The following ALKBH5 variants were observed in gnomAD, a reference collection of about 807,000 sequenced individuals.
ALKBH5 encodes the protein RNA demethylase ALKBH5.
Under a neutral mutation model 32.1 loss-of-function variants are expected in ALKBH5, and 2 were observed. The observed-to-expected ratio is 0.06, with a 90% CI of 0.03 to 0.20. The LOEUF is 0.20. ALKBH5 is among the 10% of genes least tolerant of loss of function. ALKBH5 has a pLI of 1.00. For synonymous variants in ALKBH5, 300 were observed against 231.7 expected, an observed-to-expected ratio of 1.29 and a Z score of -2.68; for missense variants, 352 against 559.5, an observed-to-expected ratio of 0.63 and a Z score of 3.74.
intron 1 of ALKBH5, among the ~76,000 whole-genome samples, chr17:18,192,247 T>TTGTAGGGTGTCAGGCACCCTGCATTAA (rs2047180320): frequency 6.6e-6 from 1 of 152,136 alleles, no homozygotes; most frequent in South Asian, 2.1e-4. Flanking sequence ...TTAGTAAAGA[T>TTGTAGGGTGTCAGGCACCCTGCATTAA]TGTAGGGTGT....
At chr17:18,198,221 A>G (rs2047215401) in intron 2 of ALKBH5, among the ~76,000 whole-genome samples, 2 of 152,182 alleles carry the variant, frequency 1.3e-5, no homozygotes, top group South Asian at 2.1e-4. Flanking sequence ...AGACACATAC[A>G]CACACCCCTG....
chr17:18,198,382 G>A (rs2047216511), intron 2 of ALKBH5, among the ~76,000 whole-genome samples: 1 of 152,184 alleles, frequency 6.6e-6, no homozygotes, highest in Admixed American at 6.5e-5. Context: ...AGGCCGGTGA[G>A]GAGCAGCTCC....
intron 2 of ALKBH5, 99 bp from the exon 3 acceptor site, chr17:18,206,716 C>T (rs2047270744): frequency 1.5e-6 from 2 of 1,359,592 alleles, no homozygotes; most frequent in Non-Finnish European, 2.0e-6. Context: ...GCTTCCAGGT[C>T]TAGCTGGCTC....
At chr17:18,206,759 G>A (rs1034871875) in intron 2 of ALKBH5, 56 bp from the exon 3 acceptor site, 9 of 1,587,552 alleles carry the variant, frequency 5.7e-6, no homozygotes, top group Non-Finnish European at 6.9e-6. Context: ...TGGTCTGATG[G>A]TGCCCACACC....
chr17:18,187,455 G>A (rs1365855636), intron 1 of ALKBH5, among the ~76,000 whole-genome samples: 1 of 152,132 alleles, frequency 6.6e-6, no homozygotes, highest in Non-Finnish European at 1.5e-5. Flanking sequence ...CATTGTTGAG[G>A]CTGTTCGTGC....
intron 1 of ALKBH5, among the ~76,000 whole-genome samples, chr17:18,192,958 C>T (rs977845932): frequency 6.8e-6 from 1 of 147,654 alleles, no homozygotes; most frequent in African/African-American, 2.5e-5. Context: ...CTCCCAGGTT[C>T]AGCGATTCTC....
At chr17:18,186,752 G>T (rs2047142148) in intron 1 of ALKBH5, among the ~76,000 whole-genome samples, 1 of 152,110 alleles carries the variant, frequency 6.6e-6, no homozygotes, top group African/African-American at 2.4e-5. Flanking sequence ...ACCCTTTCTG[G>T]ATTCAGACTT....
At chr17:18,204,451 A>T (rs1475950137) in intron 2 of ALKBH5, among the ~76,000 whole-genome samples, 7 of 30,756 alleles carry the variant, frequency 2.3e-4, no homozygotes, top group Non-Finnish European at 4.0e-4. Flanking sequence ...AACTCTCTTA[A>T]AAAAAAAAAA....
In ALKBH5 at chr17:18,209,912, A is replaced by T. The variant is rs1237010190; in HGVS notation, c.*1516A>T. 1 of 152,644 alleles carries T rather than the reference A, an allele frequency of 6.6e-6. No homozygotes were observed. The highest frequency in any genetic ancestry group is 1.5e-5 in the Non-Finnish European group (1 of 68,044). 9.5% of individuals were successfully genotyped at this position (152,644 alleles called of 1,614,324 possible). A position where few individuals can be genotyped will look rare whatever the true frequency, so the allele number is the denominator to read the frequency against. ...TGTGTGTGCAGCACTTCGCCCTGAT[A>T]TGTGTGCTCTACAATAAAAACCAAA... On this transcript the variant is annotated 3_prime_UTR_variant, in exon 4 of 4. Coordinates refer to ENST00000399138, the MANE Select transcript of ALKBH5 (RefSeq NM_017758.4).
At position 18,185,672 on chromosome 17, in the gene ALKBH5, A is replaced by G. The variant is rs1055670597; in HGVS notation, c.770+659A>G. Among the ~76,000 whole-genome samples the G allele has an allele frequency of 2.0e-5, 3 of 152,176 alleles. No individual in the cohort carries two copies. The South Asian group carries it at 6.2e-4, about 32-fold the overall frequency. ...TTACTTGTAGTCAGGACTGAATACA[A>G]CAGAATACAGCTGGTCTCTTGACTG... On this transcript the variant is annotated intron_variant, in intron 1 of 3. Coordinates refer to ENST00000399138, the MANE Select transcript of ALKBH5 (RefSeq NM_017758.4).
At chr17:18,207,168 A>AG (rs2047273919) in intron 3 of ALKBH5, among the ~76,000 whole-genome samples, 198 bp downstream of exon 3, 1 of 152,210 alleles carries the variant, frequency 6.6e-6, no homozygotes, top group Admixed American at 6.5e-5. Flanking sequence ...CCCAGAGAGA[A>AG]GGGGTCAGGC....
intron 2 of ALKBH5, among the ~76,000 whole-genome samples, chr17:18,205,895 G>A (rs989743596): frequency 3.3e-5 from 5 of 152,166 alleles, no homozygotes; most frequent in South Asian, 2.1e-4. Flanking sequence ...TGGAAAAGGT[G>A]CCTTCAGGGT....
intron 1 of ALKBH5, among the ~76,000 whole-genome samples, chr17:18,187,119 A>G (rs2047144102): frequency 6.6e-6 from 1 of 152,024 alleles, no homozygotes; most frequent in African/African-American, 2.4e-5. Flanking sequence ...CTCAGACAGG[A>G]GGATAAGTTA....
At chr17:18,186,536 A>G (rs920039398) in intron 1 of ALKBH5, among the ~76,000 whole-genome samples, 2 of 152,116 alleles carry the variant, frequency 1.3e-5, no homozygotes, top group African/African-American at 4.8e-5. Context: ...TCTGGTGCTT[A>G]ATGAGGGGAT....
At chr17:18,189,655 A>G (rs928455946) in intron 1 of ALKBH5, among the ~76,000 whole-genome samples, 2 of 152,334 alleles carry the variant, frequency 1.3e-5, no homozygotes, top group South Asian at 4.1e-4. Context: ...TTACAGCACC[A>G]CCATTTTAAC....
At chr17:18,197,185 C>T (rs1465299669) in intron 2 of ALKBH5, among the ~76,000 whole-genome samples, 4 of 152,220 alleles carry the variant, frequency 2.6e-5, no homozygotes, top group African/African-American at 7.2e-5. Flanking sequence ...GCAGTGAACA[C>T]GTGGGAGCTC....
rs571970012 is a variant in ALKBH5, at chr17:18,183,868, G to C, written c.-376G>C. The C allele has an allele frequency of 2.8e-6, 1 of 360,770 alleles. No homozygotes were observed. The highest frequency in any genetic ancestry group is 5.3e-6 in the Non-Finnish European group (1 of 189,930). 22.3% of individuals were successfully genotyped at this position (360,770 alleles called of 1,614,324 possible). On this transcript the variant is annotated 5_prime_UTR_variant, in exon 1 of 4. Coordinates refer to ENST00000399138, the MANE Select transcript of ALKBH5 (RefSeq NM_017758.4). ...GAGCGGCGCTGGCGGACGTCGGGCT[G>C]GCTGCCCGTGACGTCGTGCGGAGAG...
At chr17:18,198,223 A>T (rs193266539) in intron 2 of ALKBH5, among the ~76,000 whole-genome samples, 30 of 152,278 alleles carry the variant, frequency 2.0e-4, no homozygotes, top group Admixed American at 9.2e-4. Context: ...ACACATACAC[A>T]CACCCCTGTT....
rs140823404 is a variant in ALKBH5 at position 18,197,680 on chromosome 17, T to C, written c.851+2645T>C. On this transcript the variant is annotated intron_variant, in intron 2 of 3. Coordinates refer to ENST00000399138, the MANE Select transcript of ALKBH5 (RefSeq NM_017758.4). ...TGAGTCAGATGCTCCTCAGCACAGC[T>C]AGGAGTCTGCACCGTTAATCAGCTC... 1.8e-3 allele frequency among the ~76,000 whole-genome samples: 267 copies of C among 152,344 alleles called. No individual in the cohort carries two copies. The Middle Eastern group carries it at 0.031, about 17-fold the overall frequency.
Sources: allele counts gnomAD v4.1 joint callset (sites outside exome capture counted in the v4.1 genomes callset), GRCh38; gene constraint gnomAD v4.1.1; transcripts MANE v1.5; gene names NCBI Gene and HGNC (gene_info 2026-07-23, HGNC 2026-07-21).